Variants in IMMP2L observed in about 807,000 individuals in gnomAD.
The protein encoded by IMMP2L is inner mitochondrial membrane peptidase subunit 2, also known as mitochondrial inner membrane protease subunit 2.
In IMMP2L, 18 loss-of-function variants were observed where a neutral mutation model predicts 19.3. That is an observed-to-expected ratio of 0.93 (90% CI 0.64 to 1.38). The LOEUF is 1.38. Among genes scored for constraint, IMMP2L ranks in the 40% most tolerant of loss-of-function variants. The pLI is 0.00. For missense variants in IMMP2L, 233 were observed against 218.2 expected, an observed-to-expected ratio of 1.07 and a Z score of -0.43; for synonymous variants, 76 against 73.0, an observed-to-expected ratio of 1.04 and a Z score of -0.21.
intron 3 of IMMP2L, among the ~76,000 whole-genome samples, chr7:111,096,183 G>A (rs1797377876): frequency 6.6e-6 from 1 of 151,894 alleles, no homozygotes; most frequent in South Asian, 2.1e-4. Flanking sequence ...ACAATCTGGT[G>A]AAGTAGGGTA....
chr7:110,671,543 A>C (rs941745330), intron 5 of IMMP2L, among the ~76,000 whole-genome samples: 24 of 152,266 alleles, frequency 1.6e-4, no homozygotes, highest in Admixed American at 3.3e-4. Context: ...CATGGACTAA[A>C]TTTGCACTGA....
chr7:111,495,803 G>A (rs902294526), intron 2 of IMMP2L, among the ~76,000 whole-genome samples: 1 of 152,062 alleles, frequency 6.6e-6, no homozygotes, highest in Non-Finnish European at 1.5e-5. Flanking sequence ...AAGAAAGCCT[G>A]GTTTTGACCT....
intron 3 of IMMP2L, among the ~76,000 whole-genome samples, chr7:111,175,593 G>A (rs1277108475): frequency 1.3e-5 from 2 of 151,346 alleles, no homozygotes; most frequent in Non-Finnish European, 3.0e-5. Context: ...AAGGAAACCA[G>A]GCCCCTATTT....
intron 3 of IMMP2L, among the ~76,000 whole-genome samples, chr7:111,018,787 T>TTTATTATTATTA (rs61180550): frequency 5.7e-5 from 8 of 141,482 alleles, no homozygotes; most frequent in East Asian, 4.1e-4. Flanking sequence ...TGTGTGTCTT[T>TTTATTATTATTA]TTATTATTAT....
intron 3 of IMMP2L, among the ~76,000 whole-genome samples, chr7:111,290,735 CCT>C (rs763663733): frequency 7.1e-4 from 108 of 151,786 alleles, no homozygotes; most frequent in Middle Eastern, 3.4e-3. Context: ...GTATAAATCC[CCT>C]TTTTGTGCTT....
chr7:111,049,859 AC>A (rs1792837257), intron 3 of IMMP2L, among the ~76,000 whole-genome samples: 1 of 152,196 alleles, frequency 6.6e-6, no homozygotes, highest in African/African-American at 2.4e-5. Flanking sequence ...GGGGAAATTA[AC>A]TGCTGTTCCG....
chr7:110,741,958 A>C (rs1198032480), intron 5 of IMMP2L, among the ~76,000 whole-genome samples: 1 of 152,172 alleles, frequency 6.6e-6, no homozygotes, highest in East Asian at 1.9e-4. Flanking sequence ...AGAATCTAGA[A>C]AGTCTTAGGG....
At chr7:110,922,171 A>T (rs1205247642) in intron 4 of IMMP2L, among the ~76,000 whole-genome samples, 1 of 152,204 alleles carries the variant, frequency 6.6e-6, no homozygotes, top group Non-Finnish European at 1.5e-5. Flanking sequence ...CATTTAAAGA[A>T]CTGTAGAAAT....
At chr7:110,773,827 C>CTT (rs5886574) in intron 5 of IMMP2L, among the ~76,000 whole-genome samples, 3,264 of 135,742 alleles carry the variant, frequency 0.024, 54 homozygotes, top group Middle Eastern at 0.045. Flanking sequence ...ATAGTCTATT[C>CTT]TTTTTTTTTT....
chr7:110,927,761 A>T lies in IMMP2L; in HGVS notation c.305+35739T>A, dbSNP rs185389373. ...GACTTCTGACCTTCAGAAGAGTAAG[A>T]TAATAAATTTGTATTAAGTCATTAA... On this transcript the variant is annotated intron_variant, in intron 4 of 5. Coordinates refer to ENST00000405709, the MANE Select transcript of IMMP2L (RefSeq NM_032549.4). Among the ~76,000 whole-genome samples the T allele has an allele frequency of 2.1e-3, 327 of 152,262 alleles. 2 individuals carry two copies. The highest frequency in any genetic ancestry group is 7.6e-3 in the African/African-American group (317 of 41,566).
intron 3 of IMMP2L, among the ~76,000 whole-genome samples, chr7:111,149,387 A>T (rs566871370): frequency 6.6e-6 from 1 of 152,264 alleles, no homozygotes; most frequent in African/African-American, 2.4e-5. Flanking sequence ...CCCTTGAACA[A>T]CGTGGGGTTT....
At chr7:111,398,246 T>C (rs1017189674) in intron 3 of IMMP2L, among the ~76,000 whole-genome samples, 3 of 152,112 alleles carry the variant, frequency 2.0e-5, no homozygotes, top group Admixed American at 6.6e-5. Flanking sequence ...CTAGCTAACC[T>C]AATCCAACAA....
chr7:111,118,114 G>C (rs895504731), intron 3 of IMMP2L, among the ~76,000 whole-genome samples: 4 of 152,042 alleles, frequency 2.6e-5, no homozygotes, highest in Non-Finnish European at 4.4e-5. Context: ...ACAGAGCATT[G>C]CACACATTTT....
chr7:111,322,869 A>G (rs112270829), intron 3 of IMMP2L, among the ~76,000 whole-genome samples: 1 of 151,828 alleles, frequency 6.6e-6, no homozygotes, highest in Non-Finnish European at 1.5e-5. Flanking sequence ...GAATGCATCT[A>G]TATTTTATAT....
chr7:111,166,422 T>A (rs182634730), intron 3 of IMMP2L, among the ~76,000 whole-genome samples: 1 of 152,022 alleles, frequency 6.6e-6, no homozygotes, highest in Non-Finnish European at 1.5e-5. Context: ...CCTATCCTTT[T>A]AAATAATGTC....
intron 2 of IMMP2L, among the ~76,000 whole-genome samples, chr7:111,501,381 C>T (rs1201897048): frequency 2.0e-5 from 3 of 152,102 alleles, no homozygotes; most frequent in South Asian, 2.1e-4. Context: ...AGAATGGAAC[C>T]AACTTGGAAA....
chr7:111,089,287 C>A lies in IMMP2L; in HGVS notation c.240-125722G>T, dbSNP rs180906938. On this transcript the variant is annotated intron_variant, in intron 3 of 5. Coordinates refer to ENST00000405709, the MANE Select transcript of IMMP2L (RefSeq NM_032549.4). ...GGAGTTTAATCATGTATCTGACTAT[C>A]ACAACTTACCTTCATTATGGGAGTG... 3.0e-3 allele frequency among the ~76,000 whole-genome samples: 450 copies of A among 152,168 alleles called. 3 individuals carry two copies. Among genetic ancestry groups the A allele is most frequent in the Admixed American group, 0.019 (287 of 15,284 alleles).
At chr7:110,737,991 C>T (rs1584669600) in intron 5 of IMMP2L, among the ~76,000 whole-genome samples, 1 of 152,182 alleles carries the variant, frequency 6.6e-6, no homozygotes, top group Admixed American at 6.5e-5. Flanking sequence ...CAGGAATCCC[C>T]ATTCATAGGG....
At chr7:111,491,592 A>G (rs973806591) in intron 2 of IMMP2L, among the ~76,000 whole-genome samples, 3 of 152,130 alleles carry the variant, frequency 2.0e-5, no homozygotes, top group Non-Finnish European at 4.4e-5. Context: ...CATAAGTCCA[A>G]AGGGCTTTAC....
Sources: allele counts gnomAD v4.1 joint callset (sites outside exome capture counted in the v4.1 genomes callset), GRCh38; gene constraint gnomAD v4.1.1; transcripts MANE v1.5; gene names NCBI Gene and HGNC (gene_info 2026-07-23, HGNC 2026-07-21).